PIK3AP1: variants seen among roughly 807,000 people sequenced by gnomAD.
PIK3AP1 encodes the protein phosphoinositide-3-kinase adaptor protein 1.
PIK3AP1 carries 21 observed loss-of-function variants against 88.1 expected under a neutral mutation model. The observed-to-expected ratio is 0.24, with a 90% CI of 0.17 to 0.34. PIK3AP1 has a LOEUF of 0.34. Among genes scored for constraint, PIK3AP1 ranks in the 10% least tolerant of loss-of-function variants. The pLI is 1.00. For synonymous variants in PIK3AP1, 398 were observed against 400.0 expected (o/e 1.00, Z 0.06); for missense variants, 828 against 1,035.7 (o/e 0.80, Z 2.75).
chr10:96,703,508 T>C (rs1844324954), intron 2 of PIK3AP1, among the ~76,000 whole-genome samples: 1 of 152,146 alleles, frequency 6.6e-6, no homozygotes, highest in Non-Finnish European at 1.5e-5. Context: ...AATGAGAACT[T>C]TTGCAAAAAC....
At chr10:96,687,014 T>C (rs1844077607) in intron 2 of PIK3AP1, among the ~76,000 whole-genome samples, 1 of 152,062 alleles carries the variant, frequency 6.6e-6, no homozygotes, top group Non-Finnish European at 1.5e-5. Flanking sequence ...GATCTCCTCC[T>C]TTCAGACCGA....
rs1589497555 is a variant in PIK3AP1 at position 96,626,692 on chromosome 10, T to C, written c.1669+16A>G. On this transcript the variant is annotated intron_variant, in intron 10 of 16. Coordinates refer to ENST00000339364, the MANE Select transcript of PIK3AP1 (RefSeq NM_152309.3). ...CTCCAAAGACCCAGTTGGACATCAT[T>C]CCCTGCCATACTTGCCTTTAAAAAT... 1 of 1,612,074 alleles carries C rather than the reference T, an allele frequency of 6.2e-7. No individual in the cohort carries two copies. The highest frequency in any genetic ancestry group is 8.5e-7 in the Non-Finnish European group (1 of 1,178,432).
intron 16 of PIK3AP1, among the ~76,000 whole-genome samples, chr10:96,601,834 G>A (rs555613034): frequency 9.8e-5 from 15 of 152,326 alleles, no homozygotes; most frequent in Non-Finnish European, 2.2e-4. Flanking sequence ...TTAAATTAAT[G>A]AAGGGTCCAC....
intron 13 of PIK3AP1, among the ~76,000 whole-genome samples, chr10:96,613,845 CT>C (rs1358906361): frequency 6.6e-6 from 1 of 152,310 alleles, no homozygotes; most frequent in East Asian, 1.9e-4. Context: ...GTGCCAGGCA[CT>C]GTGCTAAGCA....
At chr10:96,687,219 G>T (rs1482413386) in intron 2 of PIK3AP1, among the ~76,000 whole-genome samples, 1 of 127,080 alleles carries the variant, frequency 7.9e-6, no homozygotes, top group East Asian at 2.3e-4. Flanking sequence ...CAGCGCCACC[G>T]CAGTCCGGCC....
intron 12 of PIK3AP1, 107 bp from the exon 13 acceptor site, chr10:96,616,818 A>G: frequency 9.3e-7 from 1 of 1,071,500 alleles, no homozygotes; most frequent in Non-Finnish European, 1.4e-6. Context: ...ATCACATTGC[A>G]GTCACATTTA....
chr10:96,720,313 C>A lies in PIK3AP1; in HGVS notation c.13+69G>T. 1 of 1,233,554 alleles carries A rather than the reference C, an allele frequency of 8.1e-7. No homozygotes were observed. 76.4% of individuals were successfully genotyped at this position (1,233,554 alleles called of 1,614,324 possible). On this transcript the variant is annotated intron_variant, in intron 1 of 16. Coordinates refer to ENST00000339364, the MANE Select transcript of PIK3AP1 (RefSeq NM_152309.3). The surrounding 1 kb of genome is among the most constrained non-coding windows in gnomAD (Gnocchi z 4.6). ...GCAAACAGAAGCAAGCGGGGGAGCGCGCCTCAAGGGATGCGGGGTACGAGA... is the reference window on the plus strand; with the variant it reads ...GCAAACAGAAGCAAGCGGGGGAGCGAGCCTCAAGGGATGCGGGGTACGAGA...
chr10:96,715,867 G>A (rs138742265), intron 1 of PIK3AP1, among the ~76,000 whole-genome samples: 2,079 of 150,256 alleles, frequency 0.014, 31 homozygotes, highest in African/African-American at 0.037. Flanking sequence ...TCCAGCCTGG[G>A]CAACAGAGCG....
At chr10:96,619,084 G>A (rs776497788) in intron 12 of PIK3AP1, among the ~76,000 whole-genome samples, 2 of 152,206 alleles carry the variant, frequency 1.3e-5, no homozygotes, top group Non-Finnish European at 2.9e-5. Context: ...CTGCCTCTTC[G>A]CCTCTCTGAG....
rs781470629 is a variant in PIK3AP1 at position 96,602,417 on chromosome 10, G to A, written c.2242-19C>T. On this transcript the variant is annotated intron_variant, in intron 15 of 16. Coordinates refer to ENST00000339364, the MANE Select transcript of PIK3AP1 (RefSeq NM_152309.3). ...CATTATCCTACAGCAAAGAAGATGA[G>A]AAAGAAAGGCGAAAACTACATTCAG... 138 of 1,595,688 alleles carry A rather than the reference G, an allele frequency of 8.6e-5. 1 individual carries two copies. The South Asian group carries it at 1.5e-3, about 17-fold the overall frequency.
At chr10:96,652,873 T>A (rs373242929) in intron 3 of PIK3AP1, 31 bp from the exon 4 acceptor site, 15 of 1,606,208 alleles carry the variant, frequency 9.3e-6, no homozygotes, top group South Asian at 2.2e-5. Context: ...TTGTCCCCTC[T>A]CCCTCTCAGA....
chr10:96,677,042 G>A lies in PIK3AP1; in HGVS notation c.431-20108C>T, dbSNP rs1843932446. Among the ~76,000 whole-genome samples the A allele has an allele frequency of 2.0e-5, 3 of 152,246 alleles. No individual in the cohort carries two copies. The South Asian group carries it at 6.2e-4, about 32-fold the overall frequency. ...CCACTCTTCACACAGCCTCCAGCAG[G>A]AGCACCGAGCCCATCTCTGAACACG... On this transcript the variant is annotated intron_variant, in intron 2 of 16. Transcript: ENST00000339364.
intron 2 of PIK3AP1, among the ~76,000 whole-genome samples, chr10:96,671,785 A>G (rs555701502): frequency 6.6e-6 from 1 of 152,158 alleles, no homozygotes; most frequent in Non-Finnish European, 1.5e-5. Flanking sequence ...TCACACCTGT[A>G]ATCTCAGCAC....
At chr10:96,612,877 G>A (rs1849136914) in intron 13 of PIK3AP1, among the ~76,000 whole-genome samples, 1 of 146,006 alleles carries the variant, frequency 6.8e-6, no homozygotes, top group South Asian at 2.2e-4. Flanking sequence ...GGGGAGAAAA[G>A]TTCTAGAAAT....
intron 6 of PIK3AP1, among the ~76,000 whole-genome samples, 195 bp from the exon 7 acceptor site, chr10:96,649,050 A>G (rs1475561186): frequency 6.6e-6 from 1 of 152,112 alleles, no homozygotes; most frequent in Non-Finnish European, 1.5e-5. Flanking sequence ...TGCAGAGGAC[A>G]TAATTTTTTT....
intron 2 of PIK3AP1, among the ~76,000 whole-genome samples, chr10:96,671,944 GGGAGGCTCACCTGAGCCCAA>G (rs1843852844): frequency 6.6e-6 from 1 of 152,198 alleles, no homozygotes; most frequent in African/African-American, 2.4e-5. Context: ...AGGTTGAAGT[GGGAGGCTCACCTGAGCCCAA>G]GGAGATCAAA....
chr10:96,656,874 G>A lies in PIK3AP1; in HGVS notation c.491C>T (p.Ser164Leu), dbSNP rs1281459160. ...EPEDEKVVSY[S>L]KQQNLPTVTS... ...CACCGTCGGCAGGTTCTGCTGCTTCGAGTAGGAAACAACCTTCTCGTCCTC... is the reference window on the plus strand; with the variant it reads ...CACCGTCGGCAGGTTCTGCTGCTTCAAGTAGGAAACAACCTTCTCGTCCTC... Residue 164 changes from serine (S) to leucine (L), a missense_variant, in exon 3 of 17, where the codon TCG becomes TTG. By Grantham distance (145) the Ser-to-Leu change is moderately radical. Around this residue, in one of 3 missense-constraint regions of PIK3AP1, gnomAD observed 610 missense variants for 760.1 expected, o/e 0.80. Coordinates refer to ENST00000339364, the MANE Select transcript of PIK3AP1 (RefSeq NM_152309.3). 7 of 1,613,958 alleles carry A rather than the reference G, an allele frequency of 4.3e-6. No individual in the cohort carries two copies. Among genetic ancestry groups the A allele is most frequent in the Non-Finnish European group, 5.1e-6 (6 of 1,180,018 alleles).
chr10:96,662,878 G>C (rs1341747304), intron 2 of PIK3AP1, among the ~76,000 whole-genome samples: 8 of 84,504 alleles, frequency 9.5e-5, no homozygotes, highest in African/African-American at 4.2e-4. Context: ...GACAGAGCGA[G>C]ACTCCGTCTC....
chr10:96,653,685 A>C (rs558560925), intron 3 of PIK3AP1, among the ~76,000 whole-genome samples: 1 of 151,888 alleles, frequency 6.6e-6, no homozygotes, highest in African/African-American at 2.4e-5. Context: ...ACAGGGTTTC[A>C]CCATATTGGC....
Sources: allele counts gnomAD v4.1 joint callset (sites outside exome capture counted in the v4.1 genomes callset), GRCh38; gene constraint gnomAD v4.1.1; regional missense constraint gnomAD v4.1.1; non-coding constraint Gnocchi (gnomAD v3.1); transcripts MANE v1.5; gene names NCBI Gene and HGNC (gene_info 2026-07-23, HGNC 2026-07-21).